WDR59: variants seen among roughly 807,000 people sequenced by gnomAD.
WDR59 encodes GATOR2 complex protein WDR59.
Under a neutral mutation model 131.2 loss-of-function variants are expected in WDR59, and 100 were observed. The ratio of observed to expected loss-of-function variants is 0.76; its 90% CI spans 0.65 to 0.90. The LOEUF (loss-of-function observed/expected upper bound fraction) is 0.90, where lower values mean the gene tolerates loss of function less well. Among genes scored for constraint, WDR59 ranks in the 40% least tolerant of loss-of-function variants. The probability of loss-of-function intolerance (pLI) is 0.00; values close to 1 mark genes in which losing one functional copy is unlikely to be tolerated. For synonymous variants in WDR59, 601 were observed against 466.2 expected (o/e 1.29, Z -3.72); for missense variants, 1,203 against 1,262.2 (o/e 0.95, Z 0.71).
chr16:74,930,386 A>C (rs1033575488), intron 8 of WDR59, among the ~76,000 whole-genome samples: 1 of 152,176 alleles, frequency 6.6e-6, no homozygotes, highest in Non-Finnish European at 1.5e-5. Flanking sequence ...AAACAGAACA[A>C]AACAAAAAAC....
At chr16:74,876,052 G>A (rs147138831) in intron 25 of WDR59, among the ~76,000 whole-genome samples, 2 of 151,964 alleles carry the variant, frequency 1.3e-5, no homozygotes, top group African/African-American at 4.8e-5. Context: ...GTTACACCAC[G>A]CATCTTCCAA....
chr16:74,983,259 G>A (rs906448590), intron 1 of WDR59, among the ~76,000 whole-genome samples: 2 of 152,048 alleles, frequency 1.3e-5, no homozygotes, highest in African/African-American at 4.8e-5. Flanking sequence ...GATCACTTGA[G>A]GCCAGGAGTT....
At position 74,984,468 on chromosome 16, in the gene WDR59, T is replaced by C. The variant is rs1467030556; in HGVS notation, c.54+496A>G. 2.2e-5 allele frequency: 4 copies of C among 182,412 alleles called. No homozygotes were observed. The South Asian group carries it at 3.2e-4, about 15-fold the overall frequency. 11.3% of individuals were successfully genotyped at this position (182,412 alleles called of 1,614,324 possible). A position where few individuals can be genotyped will look rare whatever the true frequency, so the allele number is the denominator to read the frequency against. Reference sequence around the variant, plus strand: ...CACTCCTATCCACTACACGGTATTTTCCAGTATGATGGCATTAAGAACCAC... The same window carrying C: ...CACTCCTATCCACTACACGGTATTTCCCAGTATGATGGCATTAAGAACCAC... On this transcript the variant is annotated intron_variant, in intron 1 of 25. Coordinates refer to ENST00000262144, the MANE Select transcript of WDR59 (RefSeq NM_030581.4).
chr16:74,911,140 G>C (rs963470983), intron 14 of WDR59, among the ~76,000 whole-genome samples: 1 of 152,100 alleles, frequency 6.6e-6, no homozygotes, highest in Non-Finnish European at 1.5e-5. Flanking sequence ...CTGGGATTAC[G>C]GGAGTGAGCC....
chr16:74,885,672 A>T lies in WDR59; in HGVS notation c.2670T>A (p.Pro890=), dbSNP rs1203995747. ...ACTCACCGATCCCTTTGTGAGGGTC[A>T]GGAGGACAGGAGACAAACTTCAACA... ...AEVLKFVSCP[P]DPHKGIEFGV... Residue 890 remains proline (P), a synonymous_variant, in exon 25 of 26, where the codon CCT becomes CCA. Coordinates refer to ENST00000262144, the MANE Select transcript of WDR59 (RefSeq NM_030581.4). The T allele has an allele frequency of 6.2e-7, 1 of 1,613,984 alleles. No homozygotes were observed. Among genetic ancestry groups the T allele is most frequent in the Non-Finnish European group, 8.5e-7 (1 of 1,180,016 alleles).
At chr16:74,892,931 G>C (rs543876143) in intron 19 of WDR59, among the ~76,000 whole-genome samples, 1 of 152,228 alleles carries the variant, frequency 6.6e-6, no homozygotes, top group Non-Finnish European at 1.5e-5. Flanking sequence ...CTAACAGAAA[G>C]AGTAGTGTGC....
chr16:74,930,607 G>A (rs1198248956), intron 8 of WDR59, among the ~76,000 whole-genome samples: 1 of 151,688 alleles, frequency 6.6e-6, no homozygotes, highest in Non-Finnish European at 1.5e-5. Context: ...ACAGAAAAAA[G>A]TTCTGCCAGG....
intron 18 of WDR59, among the ~76,000 whole-genome samples, chr16:74,896,262 C>A (rs557373140): frequency 1.6e-4 from 24 of 152,156 alleles, no homozygotes; most frequent in African/African-American, 4.1e-4. Flanking sequence ...AATTCACTAT[C>A]GTTCAGTTTA....
At chr16:74,937,034 C>T (rs1310110182) in intron 8 of WDR59, among the ~76,000 whole-genome samples, 2 of 152,038 alleles carry the variant, frequency 1.3e-5, no homozygotes, top group Non-Finnish European at 2.9e-5. Context: ...TACAACAAAG[C>T]ATTAAATAAA....
At chr16:74,914,046 A>G (rs1325654082) in intron 13 of WDR59, among the ~76,000 whole-genome samples, 4 of 152,160 alleles carry the variant, frequency 2.6e-5, no homozygotes, top group African/African-American at 7.2e-5. Context: ...CATCTCTACT[A>G]AAAATACGAA....
intron 23 of WDR59, 44 bp from the exon 24 acceptor site, chr16:74,886,440 G>T (rs767364728): frequency 1.2e-6 from 2 of 1,602,724 alleles, no homozygotes; most frequent in East Asian, 2.2e-5. Flanking sequence ...ATCAGAGAAG[G>T]CATGGAAAAT....
Position 74,909,859 on chromosome 16 carries a change from C to G in WDR59, c.1448G>C (p.Cys483Ser). The change falls in exon 15 of 26, where the codon TGC (cysteine) becomes TCC (serine). Residue 483 changes from cysteine (C) to serine (S), a missense_variant. Coordinates refer to ENST00000262144, the MANE Select transcript of WDR59 (RefSeq NM_030581.4). ...VKRGQSCLEP[C>S]LRQLVSCLES... is the part of the protein sequence containing the mutation. ...AAGGCAGGAGACGAGCTGGCGCAGG[C>G]AGGGCTCCAGGCAGCTCTGGCCACG... 1 of 1,612,818 alleles carries G rather than the reference C, an allele frequency of 6.2e-7. No homozygotes were observed. The highest frequency in any genetic ancestry group is 8.5e-7 in the Non-Finnish European group (1 of 1,179,996).
At chr16:74,906,086 A>C (rs1330861022) in intron 17 of WDR59, among the ~76,000 whole-genome samples, 1 of 151,832 alleles carries the variant, frequency 6.6e-6, no homozygotes, top group Non-Finnish European at 1.5e-5. Context: ...AGGCCGAGGC[A>C]GGCAGATCAC....
At chr16:74,906,313 C>CAAAAAAAAAAAAAAAAACA (rs762288713) in intron 17 of WDR59, among the ~76,000 whole-genome samples, 1 of 32,460 alleles carries the variant, frequency 3.1e-5, no homozygotes, top group African/African-American at 1.1e-4. Flanking sequence ...GACTCCGTCT[C>CAAAAAAAAAAAAAAAAACA]AAAAAAAAAA....
intron 1 of WDR59, among the ~76,000 whole-genome samples, chr16:74,977,888 G>C (rs2034250447): frequency 6.6e-6 from 1 of 152,084 alleles, no homozygotes; most frequent in Non-Finnish European, 1.5e-5. Context: ...TCAACAACAA[G>C]AATGAATCTC....
chr16:74,924,641 A>G (rs1022075474), intron 8 of WDR59, among the ~76,000 whole-genome samples: 1 of 152,210 alleles, frequency 6.6e-6, no homozygotes, highest in Non-Finnish European at 1.5e-5. Flanking sequence ...AGAGACACCT[A>G]TGCTTCTAAC....
At chr16:74,965,348 G>C (rs1449987168) in intron 2 of WDR59, among the ~76,000 whole-genome samples, 1 of 152,180 alleles carries the variant, frequency 6.6e-6, no homozygotes, top group Admixed American at 6.5e-5. Context: ...TCCTTCATGA[G>C]AAAACCAAAG....
intron 10 of WDR59, among the ~76,000 whole-genome samples, chr16:74,919,313 T>C (rs147820152): frequency 2.6e-5 from 4 of 151,938 alleles, no homozygotes; most frequent in African/African-American, 9.7e-5. Context: ...CAATTTGCTC[T>C]TGGAACACCT....
At chr16:74,878,456 C>A (rs1047133400) in intron 25 of WDR59, among the ~76,000 whole-genome samples, 1 of 152,184 alleles carries the variant, frequency 6.6e-6, no homozygotes, top group African/African-American at 2.4e-5. Flanking sequence ...GCGTTCGAGA[C>A]CAGCCTGGCC....
Sources: gnomAD v4.1 joint callset for allele counts (sites outside exome capture counted in the v4.1 genomes callset) on GRCh38, gnomAD v4.1.1 for gene constraint, MANE v1.5 for transcripts, NCBI Gene and HGNC (gene_info 2026-07-23, HGNC 2026-07-21) for gene names.